Variants in OPA3 observed in about 807,000 individuals in gnomAD.
The protein encoded by OPA3 is outer mitochondrial membrane lipid metabolism regulator OPA3, also known as optic atrophy 3 protein.
In OPA3, 6 loss-of-function variants were observed where a neutral mutation model predicts 4.0. The ratio of observed to expected loss-of-function variants is 1.51; its 90% CI spans 0.83 to 2.99. The LOEUF (loss-of-function observed/expected upper bound fraction) is 2.99. Among genes scored for constraint, OPA3 ranks in the 30% most tolerant of loss-of-function variants. The pLI, the probability that OPA3 is intolerant of heterozygous loss-of-function variation, is 0.00. For missense variants in OPA3, 235 were observed against 256.2 expected (o/e 0.92, Z 0.56); for synonymous variants, 105 against 117.1 (o/e 0.90, Z 0.67).
chr19:45,573,662 G>A (rs770609869), intron 1 of OPA3, among the ~76,000 whole-genome samples: 5 of 152,056 alleles, frequency 3.3e-5, no homozygotes, highest in Non-Finnish European at 5.9e-5. Flanking sequence ...AGCCTGGTTC[G>A]AGGCCGCGCT....
downstream of OPA3, among the ~76,000 whole-genome samples, chr19:45,545,800 T>A (rs1189687044): frequency 1.3e-5 from 2 of 149,774 alleles, no homozygotes; most frequent in Non-Finnish European, 3.0e-5. Flanking sequence ...GCAACCTCCG[T>A]CTCCTGGGTT....
At chr19:45,541,368 G>A (rs1339611124), downstream of OPA3, among the ~76,000 whole-genome samples, 2 of 152,050 alleles carry the variant, frequency 1.3e-5, no homozygotes, top group Non-Finnish European at 2.9e-5. Context: ...ACTATAGGGG[G>A]GTCTGGGAGG....
chr19:45,550,008 T>G lies in OPA3; in HGVS notation c.*3506A>C. 2 of 547,316 alleles carry G rather than the reference T, an allele frequency of 3.7e-6. No individual in the cohort carries two copies. The highest frequency in any genetic ancestry group is 4.7e-6 in the Non-Finnish European group (2 of 430,070). The allele number at this position is 547,316 out of a possible 1,614,324, so 33.9% of individuals were successfully genotyped here. A position where few individuals can be genotyped will look rare whatever the true frequency, so the allele number is the denominator to read the frequency against. On this transcript the variant is annotated 3_prime_UTR_variant, in exon 2 of 2. Coordinates refer to ENST00000263275, the MANE Select transcript of OPA3 (RefSeq NM_025136.4). ...CCCCGTCTCCACTAAAATACAAAAA[T>G]TAGCCAGGCGTGGGTGGTGGGCACA...
chr19:45,550,820 C>T lies in OPA3; in HGVS notation c.*2694G>A. The T allele has an allele frequency of 1.0e-6, 1 of 986,100 alleles. No homozygotes were observed. Among genetic ancestry groups the T allele is most frequent in the East Asian group, 1.1e-4 (1 of 8,828 alleles). 61.1% of individuals were successfully genotyped at this position (986,100 alleles called of 1,614,324 possible). ...AATGAGAGAGCTACAGTCGGAAGGA[C>T]AGACTGCAGGCTACTGGGACCCACC... is the stretch of plus-strand genomic sequence containing the variant. On this transcript the variant is annotated 3_prime_UTR_variant, in exon 2 of 2. Transcript: ENST00000263275.
At chr19:45,575,311 G>A (rs150765675) in intron 1 of OPA3, among the ~76,000 whole-genome samples, 194 of 152,102 alleles carry the variant, frequency 1.3e-3, no homozygotes, top group African/African-American at 4.3e-3. Flanking sequence ...GGCTAGTCGC[G>A]AACTCCTGGC....
chr19:45,548,178 G>A lies in OPA3; in HGVS notation c.*5336C>T. 1.0e-6 allele frequency: 1 copy of A among 986,150 alleles called. No individual in the cohort carries two copies. The highest frequency in any genetic ancestry group is 1.2e-6 in the Non-Finnish European group (1 of 830,436). 61.1% of individuals were successfully genotyped at this position (986,150 alleles called of 1,614,324 possible). ...ACACCGACTCCAGCTACAAGCCATTGCCACTGGGGGACCCAAGCCTGCCAC... is the reference window on the plus strand; with the variant it reads ...ACACCGACTCCAGCTACAAGCCATTACCACTGGGGGACCCAAGCCTGCCAC... On this transcript the variant is annotated 3_prime_UTR_variant, in exon 2 of 2. Coordinates refer to ENST00000263275, the MANE Select transcript of OPA3 (RefSeq NM_025136.4).
In OPA3 at chr19:45,546,673, T is replaced by C. The variant is rs1969253743; in HGVS notation, c.*6841A>G. 1 of 152,332 alleles carries C rather than the reference T, an allele frequency of 6.6e-6. No homozygotes were observed. The highest frequency in any genetic ancestry group is 1.5e-5 in the Non-Finnish European group (1 of 68,300). The allele number at this position is 152,332 out of a possible 1,614,324, so 9.4% of individuals were successfully genotyped here. ...ACCATGCCTGGCTAATTTTTTGTTT[T>C]GTTTTGTTTTGAGACCAAGTCTCAC... On this transcript the variant is annotated 3_prime_UTR_variant, in exon 2 of 2. Transcript: ENST00000263275.
intron 1 of OPA3, among the ~76,000 whole-genome samples, chr19:45,537,410 A>AAAAACAAAAACAAG (rs1969132101): frequency 8.3e-6 from 1 of 120,060 alleles, no homozygotes. Context: ...AAAAAAAAAA[A>AAAAACAAAAACAAG]AAAAAAAAAA....
At chr19:45,557,434 C>T (rs1342781872) in intron 1 of OPA3, among the ~76,000 whole-genome samples, 1 of 152,068 alleles carries the variant, frequency 6.6e-6, no homozygotes, top group Non-Finnish European at 1.5e-5. Flanking sequence ...GGGGCCGGGA[C>T]AGGCTAAGCT....
rs141446737 is a variant in OPA3, at chr19:45,551,753, T to A, written c.*1761A>T. ...AGGATGGGGGTGGGACCGGGGGCTA[T>A]GGAGGCAGGAGGGTACTGCTACATG... is the stretch of plus-strand genomic sequence containing the variant. On this transcript the variant is annotated 3_prime_UTR_variant, in exon 2 of 2. Transcript: ENST00000263275. 796 of 985,526 alleles carry A rather than the reference T, an allele frequency of 8.1e-4. 1 individual carries two copies. Among genetic ancestry groups the A allele is most frequent in the Non-Finnish European group, 9.2e-4 (767 of 830,022 alleles). The allele number at this position is 985,526 out of a possible 1,614,324, so 61.0% of individuals were successfully genotyped here.
chr19:45,582,706 T>C (rs1222090147), intron 1 of OPA3, among the ~76,000 whole-genome samples: 2 of 152,100 alleles, frequency 1.3e-5, no homozygotes, highest in Admixed American at 6.6e-5. Flanking sequence ...GCCAGTTTAT[T>C]GATCTGGGTA....
Position 45,548,351 on chromosome 19 carries a change from A to C in OPA3, c.*5163T>G. ...CCTGCCCTACAGAGAAACCAACAAG[A>C]GGGACAGCAGGGCCTGCCAGGAGAT... On this transcript the variant is annotated 3_prime_UTR_variant, in exon 2 of 2. Coordinates refer to ENST00000263275, the MANE Select transcript of OPA3 (RefSeq NM_025136.4). 44 of 985,486 alleles carry C rather than the reference A, an allele frequency of 4.5e-5. No individual in the cohort carries two copies. The highest frequency in any genetic ancestry group is 5.1e-5 in the Non-Finnish European group (42 of 829,992). 61.0% of individuals were successfully genotyped at this position (985,486 alleles called of 1,614,324 possible).
chr19:45,563,845 C>G (rs933068807), intron 1 of OPA3, among the ~76,000 whole-genome samples: 1 of 150,698 alleles, frequency 6.6e-6, no homozygotes, highest in Non-Finnish European at 1.5e-5. Context: ...TGAGCCACCG[C>G]GCCCGGCCTT....
chr19:45,556,324 G>A (rs1042719149), intron 1 of OPA3, among the ~76,000 whole-genome samples: 6 of 150,262 alleles, frequency 4.0e-5, no homozygotes, highest in Non-Finnish European at 8.9e-5. Context: ...TATTTTTTTT[G>A]GGTAGAGATG....
At chr19:45,542,321 T>G (rs1169244201), downstream of OPA3, among the ~76,000 whole-genome samples, 1 of 152,188 alleles carries the variant, frequency 6.6e-6, no homozygotes, top group Non-Finnish European at 1.5e-5. Flanking sequence ...GTGCACTGCT[T>G]AATGACAGGG....
chr19:45,540,101 G>A (rs984989048), intron 1 of OPA3, among the ~76,000 whole-genome samples: 1 of 151,788 alleles, frequency 6.6e-6, no homozygotes, highest in Non-Finnish European at 1.5e-5. Context: ...GGTGGATCAC[G>A]AGCTCAGGAG....
At chr19:45,565,545 G>A (rs991169994) in intron 1 of OPA3, among the ~76,000 whole-genome samples, 2 of 152,094 alleles carry the variant, frequency 1.3e-5, no homozygotes, top group African/African-American at 4.8e-5. Context: ...CAGGAGAATC[G>A]CTTGAACCTG....
intron 1 of OPA3, among the ~76,000 whole-genome samples, chr19:45,582,566 A>G (rs770990444): frequency 4.0e-5 from 6 of 151,386 alleles, no homozygotes; most frequent in Non-Finnish European, 5.9e-5. Context: ...GTTTTTAAGG[A>G]TAACTTGATG....
chr19:45,554,939 C>T lies in OPA3; in HGVS notation c.143-1028G>A, dbSNP rs185107484. On this transcript the variant is annotated intron_variant, in intron 1 of 1. Transcript: ENST00000263275. ...CTGAGTAGCTGGGACTACAGGCACG[C>T]GCCACCATGCCCGTCTAATTTTTCG... Among the ~76,000 whole-genome samples the T allele has an allele frequency of 3.9e-5, 6 of 152,102 alleles. 1 individual carries two copies. In the South Asian group the frequency reaches 1.0e-3, roughly 26 times the overall value.
Sources: allele counts gnomAD v4.1 joint callset (sites outside exome capture counted in the v4.1 genomes callset), GRCh38; gene constraint gnomAD v4.1.1; transcripts MANE v1.5; gene names NCBI Gene and HGNC (gene_info 2026-07-23, HGNC 2026-07-21).